Variants in TRMT10A observed in about 807,000 individuals in gnomAD.
TRMT10A encodes the protein tRNA methyltransferase 10A, also known as tRNA methyltransferase 10 homolog A.
A neutral mutation model predicts 40.4 loss-of-function variants in TRMT10A; 37 were observed. The observed-to-expected ratio is 0.92, with a 90% CI of 0.71 to 1.21. The LOEUF is 1.21. Ranked by LOEUF, TRMT10A falls within the 50% of genes most tolerant of loss-of-function variation. The pLI is 0.00. For synonymous variants in TRMT10A, 103 were observed against 134.1 expected (o/e 0.77, Z 1.60); for missense variants, 388 against 404.3 (o/e 0.96, Z 0.35).
intron 1 of TRMT10A, 77 bp downstream of exon 1, chr4:99,563,836 G>A (rs1308825292): frequency 3.0e-6 from 2 of 657,904 alleles, no homozygotes; most frequent in Admixed American, 2.1e-5. Flanking sequence ...CTAGTAGGGG[G>A]CTGCATGGCA....
At position 99,547,079 on chromosome 4, in the gene TRMT10A, A is replaced by C. The variant is rs1401365967; in HGVS notation, c.*2009T>G. The C allele has an allele frequency of 6.6e-6, 1 of 152,060 alleles. No individual in the cohort carries two copies. The highest frequency in any genetic ancestry group is 1.5e-5 in the Non-Finnish European group (1 of 68,016). 9.4% of individuals were successfully genotyped at this position (152,060 alleles called of 1,614,324 possible). A position where few individuals can be genotyped will look rare whatever the true frequency, so the allele number is the denominator to read the frequency against. ...GGTCTTTGCGGATGTAGTCAAGATG[A>C]GGTCATATTGGATCATGGTGAACTC... On this transcript the variant is annotated 3_prime_UTR_variant, in exon 8 of 8. Coordinates refer to ENST00000394876, the MANE Select transcript of TRMT10A (RefSeq NM_001134665.3).
chr4:99,551,066 A>G, intron 6 of TRMT10A, 76 bp from the exon 7 acceptor site: 1 of 1,081,460 alleles, frequency 9.2e-7, no homozygotes, highest in Non-Finnish European at 1.3e-6. Flanking sequence ...AATAATTTTT[A>G]GATAAGATTT....
At chr4:99,553,452 T>G (rs576299964) in intron 6 of TRMT10A, among the ~76,000 whole-genome samples, 3 of 152,208 alleles carry the variant, frequency 2.0e-5, no homozygotes, top group Admixed American at 1.3e-4. Flanking sequence ...CAGTAAAGCA[T>G]AGACAGCATT....
In TRMT10A at chr4:99,553,899, G is replaced by A. The variant is rs1404704206; in HGVS notation, c.531C>T (p.Leu177=). ...IHIKPEHYSE[L]IKKEDLIYLT... is the part of the protein sequence containing the mutation. ...GGTAAATCAGGTCTTCTTTCTTTAT[G>A]AGTTCACTATAGTGCTCTGGTTTGA... The change falls in exon 6 of 8, where the codon CTC becomes CTT. Residue 177 remains leucine, a synonymous_variant. Transcript: ENST00000394876. The A allele has an allele frequency of 6.2e-7, 1 of 1,613,366 alleles. No individual in the cohort carries two copies. The highest frequency in any genetic ancestry group is 8.5e-7 in the Non-Finnish European group (1 of 1,179,698).
In TRMT10A at chr4:99,564,011, C is replaced by T. The variant is rs1011258249; in HGVS notation, c.-122G>A. The T allele has an allele frequency of 1.3e-6, 2 of 1,487,182 alleles. No individual in the cohort carries two copies. Among genetic ancestry groups the T allele is most frequent in the Admixed American group, 3.9e-5 (2 of 50,792 alleles). The allele number at this position is 1,487,182 out of a possible 1,614,324, so 92.1% of individuals were successfully genotyped here. ...GCTTCCTTCCACAGAAACTTCAATTCCCAGAGGCAGGGGCGGTAGTTACGC... is the reference window on the plus strand; with the variant it reads ...GCTTCCTTCCACAGAAACTTCAATTTCCAGAGGCAGGGGCGGTAGTTACGC... On this transcript the variant is annotated 5_prime_UTR_variant, in exon 1 of 8. Transcript: ENST00000394876.
intron 1 of TRMT10A, among the ~76,000 whole-genome samples, chr4:99,562,366 A>T (rs7656251): frequency 4.4e-4 from 66 of 151,426 alleles, no homozygotes; most frequent in African/African-American, 1.5e-3. Flanking sequence ...GAAAAAAAAA[A>T]GTTTTTTAAA....
At position 99,554,807 on chromosome 4, in the gene TRMT10A, G is replaced by C. The variant is rs183499398; in HGVS notation, c.496-873C>G. The stretch of plus-strand genomic sequence containing the variant: ...AATTCCATGTATCTGTTTCTACAAA[G>C]AGACACACATTTGAAAACTTCTTCA... On this transcript the variant is annotated intron_variant, in intron 5 of 7. Coordinates refer to ENST00000394876, the MANE Select transcript of TRMT10A (RefSeq NM_001134665.3). 5.1e-3 allele frequency among the ~76,000 whole-genome samples: 768 copies of C among 149,508 alleles called. 8 individuals carry two copies. The highest frequency in any genetic ancestry group is 0.018 in the African/African-American group (721 of 40,604).
At position 99,553,819 on chromosome 4, in the gene TRMT10A, A is replaced by G. The variant is rs1724051662; in HGVS notation, c.611T>C (p.Val204Ala). ...LKELDESKAY[V>A]IGGLVDHNHH... ...GTTGTGATCTACTAATCCTCCAATC[A>G]CATAGGCCTTTGATTCATCTAATTC... The change falls in exon 6 of 8, where the codon GTG becomes GCG. Residue 204 changes from valine (V) to alanine (A), a missense_variant. Transcript: ENST00000394876. 1.2e-6 allele frequency: 2 copies of G among 1,613,158 alleles called. No homozygotes were observed. The highest frequency in any genetic ancestry group is 1.7e-6 in the Non-Finnish European group (2 of 1,179,694).
Position 99,558,167 on chromosome 4 carries a change from T to G in TRMT10A, c.230A>C (p.Gln77Pro). 6.2e-7 allele frequency: 1 copy of G among 1,602,172 alleles called. No individual in the cohort carries two copies. The change falls in exon 3 of 8, where the codon CAA (glutamine) becomes CCA (proline). Residue 77 changes from glutamine to proline, a missense_variant. Coordinates refer to ENST00000394876, the MANE Select transcript of TRMT10A (RefSeq NM_001134665.3). ...ATCTGAGTTTGGTTCCATTTGACAT[T>G]GTCGCTCTAATTTTTTCCTCTTGCG... ...EKRKRKKLER[Q>P]CQMEPNSDGH... is the part of the protein sequence containing the mutation.
rs2110192640 is a variant in TRMT10A, at chr4:99,559,231, C to T, written c.108G>A (p.Gly36=). The T allele has an allele frequency of 6.2e-7, 1 of 1,613,686 alleles. No individual in the cohort carries two copies. Among genetic ancestry groups the T allele is most frequent in the Non-Finnish European group, 8.5e-7 (1 of 1,179,714 alleles). ...TTTGTCGTTTAGATATTGGTTCACA[C>T]CCTTCACCTAATCTTGGCTTCTGGC... is the stretch of plus-strand genomic sequence containing the variant. ...EESQKPRLGE[G]CEPISKRQMK... Residue 36 remains glycine (G), a synonymous_variant, in exon 2 of 8, where the codon GGG becomes GGA. Coordinates refer to ENST00000394876, the MANE Select transcript of TRMT10A (RefSeq NM_001134665.3).
rs1723791697 is a variant in TRMT10A at position 99,547,723 on chromosome 4, G to GT, written c.*1364dup. On this transcript the variant is annotated 3_prime_UTR_variant, in exon 8 of 8. Coordinates refer to ENST00000394876, the MANE Select transcript of TRMT10A (RefSeq NM_001134665.3). Reference sequence around the variant, plus strand: ...AAGAACAAAGTAACAAAAATAGACAGTAAATATCAGTACTAAATCCAATAA... The same window carrying GT: ...AAGAACAAAGTAACAAAAATAGACAGTTAAATATCAGTACTAAATCCAATAA... 1 of 151,830 alleles carries GT rather than the reference G, an allele frequency of 6.6e-6. No homozygotes were observed. Among genetic ancestry groups the GT allele is most frequent in the African/African-American group, 2.4e-5 (1 of 41,356 alleles). 9.4% of individuals were successfully genotyped at this position (151,830 alleles called of 1,614,324 possible). A position where few individuals can be genotyped will look rare whatever the true frequency, so the allele number is the denominator to read the frequency against.
rs151133810 is a variant in TRMT10A at position 99,563,963 on chromosome 4, G to A, written c.-74C>T. The A allele has an allele frequency of 9.1e-4, 996 of 1,092,614 alleles. 7 individuals carry two copies. In the African/African-American group the frequency reaches 0.013, roughly 14 times the overall value. 67.7% of individuals were successfully genotyped at this position (1,092,614 alleles called of 1,614,324 possible). A position where few individuals can be genotyped will look rare whatever the true frequency, so the allele number is the denominator to read the frequency against. On this transcript the variant is annotated 5_prime_UTR_variant, in exon 1 of 8. Coordinates refer to ENST00000394876, the MANE Select transcript of TRMT10A (RefSeq NM_001134665.3). Reference sequence around the variant, plus strand: ...GAAATCTCAGAAAGAAAGCCTTTCTGGGTTGGCCTGGTTACGGCTCACGCT... The same window carrying A: ...GAAATCTCAGAAAGAAAGCCTTTCTAGGTTGGCCTGGTTACGGCTCACGCT...
In TRMT10A at chr4:99,547,342, G is replaced by A. The variant is rs1723775323; in HGVS notation, c.*1746C>T. On this transcript the variant is annotated 3_prime_UTR_variant, in exon 8 of 8. Transcript: ENST00000394876. ...TTGTGAGTCTGGACATTTAGTCTCT[G>A]GAACTGTTAAGAGAATAAATTTCTG... The A allele has an allele frequency of 6.6e-6, 1 of 152,014 alleles. No homozygotes were observed. Among genetic ancestry groups the A allele is most frequent in the Non-Finnish European group, 1.5e-5 (1 of 68,004 alleles). 9.4% of individuals were successfully genotyped at this position (152,014 alleles called of 1,614,324 possible). A position where few individuals can be genotyped will look rare whatever the true frequency, so the allele number is the denominator to read the frequency against.
intron 2 of TRMT10A, among the ~76,000 whole-genome samples, chr4:99,558,884 A>T (rs1724269696): frequency 1.3e-5 from 2 of 152,170 alleles, no homozygotes; most frequent in Non-Finnish European, 2.9e-5. Context: ...CTGCATTAGA[A>T]AAAGTGTTGA....
At chr4:99,560,228 G>A (rs1724335376) in intron 1 of TRMT10A, among the ~76,000 whole-genome samples, 1 of 152,038 alleles carries the variant, frequency 6.6e-6, no homozygotes. Flanking sequence ...ATTTCAGAGA[G>A]GTCATAAGGG....
intron 6 of TRMT10A, among the ~76,000 whole-genome samples, chr4:99,552,453 G>GGAGCAATAGGCT (rs1724000322): frequency 6.6e-6 from 1 of 152,118 alleles, no homozygotes; most frequent in Admixed American, 6.5e-5. Context: ...AATAGGCTAT[G>GGAGCAATAGGCT]CCATACAGCC....
chr4:99,561,616 T>G (rs1174977452), intron 1 of TRMT10A, among the ~76,000 whole-genome samples: 1 of 152,206 alleles, frequency 6.6e-6, no homozygotes, highest in African/African-American at 2.4e-5. Flanking sequence ...CAAAGATATC[T>G]ACCAACTCGC....
At chr4:99,556,894 A>G (rs956873511) in intron 4 of TRMT10A, among the ~76,000 whole-genome samples, 21 of 152,166 alleles carry the variant, frequency 1.4e-4, no homozygotes, top group African/African-American at 1.2e-4. Flanking sequence ...TCAGCTTAAA[A>G]AAGACCTGTC....
chr4:99,557,044 T>C (rs112645790), intron 4 of TRMT10A, among the ~76,000 whole-genome samples: 265 of 152,264 alleles, frequency 1.7e-3, no homozygotes, highest in African/African-American at 6.2e-3. Flanking sequence ...CTGGAAGTAA[T>C]TGTAAACTGA....
Sources: allele counts gnomAD v4.1 joint callset (sites outside exome capture counted in the v4.1 genomes callset), GRCh38; gene constraint gnomAD v4.1.1; transcripts MANE v1.5; gene names NCBI Gene and HGNC (gene_info 2026-07-23, HGNC 2026-07-21).